Variants in SGMS1 observed in about 807,000 individuals in gnomAD.
SGMS1 encodes the protein sphingomyelin synthase 1.
SGMS1 carries 13 observed loss-of-function variants against 46.2 expected under a neutral mutation model. The ratio of observed to expected loss-of-function variants is 0.28; its 90% CI spans 0.18 to 0.45. The LOEUF (loss-of-function observed/expected upper bound fraction) is 0.45, where lower values mean the gene tolerates loss of function less well. SGMS1 is among the 20% of genes least tolerant of loss of function. The pLI is 1.00. For missense variants in SGMS1, 324 were observed against 519.9 expected, an observed-to-expected ratio of 0.62 and a Z score of 3.66; for synonymous variants, 203 against 187.8, an observed-to-expected ratio of 1.08 and a Z score of -0.66.
At chr10:50,415,797 C>G (rs559450465) in intron 6 of SGMS1, among the ~76,000 whole-genome samples, 17 of 152,262 alleles carry the variant, frequency 1.1e-4, no homozygotes, top group African/African-American at 4.1e-4. Flanking sequence ...ATTCTTAAAA[C>G]AGGTTCAACG....
intron 6 of SGMS1, among the ~76,000 whole-genome samples, chr10:50,359,286 A>G (rs2688884): frequency 0.15 from 23,033 of 152,196 alleles, 2,091 homozygotes; most frequent in African/African-American, 0.24. Context: ...TTTAATACTT[A>G]GATTTCACAA....
intron 3 of SGMS1, among the ~76,000 whole-genome samples, chr10:50,487,801 T>C (rs1247385583): frequency 2.0e-5 from 3 of 151,982 alleles, no homozygotes; most frequent in African/African-American, 7.2e-5. Context: ...TGTTTTTTCC[T>C]TATAATAGAA....
At position 50,505,858 on chromosome 10, in the gene SGMS1, G is replaced by A. The variant is rs117467678; in HGVS notation, c.-498+13973C>T. Among the ~76,000 whole-genome samples, 14 of 152,134 alleles carry A rather than the reference G, an allele frequency of 9.2e-5. No homozygotes were observed. The East Asian group carries it at 1.2e-3, about 13-fold the overall frequency. On this transcript the variant is annotated intron_variant, in intron 3 of 10. Coordinates refer to ENST00000361781, the MANE Select transcript of SGMS1 (RefSeq NM_147156.4). ...GGGGAGCAAAGCACACCATATCTGC[G>A]GGGGGAGAGCATCCTCTAAAGAGAA...
chr10:50,615,928 G>A (rs925395336), intron 1 of SGMS1, among the ~76,000 whole-genome samples: 79 of 152,092 alleles, frequency 5.2e-4, no homozygotes, highest in African/African-American at 1.8e-3. Context: ...TTCCCCAGTC[G>A]ACTGTAAAAT....
intron 2 of SGMS1, among the ~76,000 whole-genome samples, chr10:50,573,694 G>A (rs1403560675): frequency 6.6e-6 from 1 of 151,898 alleles, no homozygotes; most frequent in Non-Finnish European, 1.5e-5. Flanking sequence ...ACCACAAAAG[G>A]CCCCAAATAG....
intron 8 of SGMS1, among the ~76,000 whole-genome samples, chr10:50,314,320 G>A (rs1200114177): frequency 6.6e-6 from 1 of 152,132 alleles, no homozygotes; most frequent in Non-Finnish European, 1.5e-5. Context: ...AGCAGTGGCT[G>A]TCTCCAAAGT....
intron 6 of SGMS1, among the ~76,000 whole-genome samples, chr10:50,397,340 C>A: frequency 6.6e-6 from 1 of 152,104 alleles, no homozygotes; most frequent in East Asian, 1.9e-4. Flanking sequence ...TCAAATCATA[C>A]ACATGCACAA....
intron 3 of SGMS1, among the ~76,000 whole-genome samples, chr10:50,489,353 T>C (rs1837548914): frequency 6.6e-6 from 1 of 152,198 alleles, no homozygotes; most frequent in South Asian, 2.1e-4. Flanking sequence ...TGCTTTCAAA[T>C]GATAACATTT....
chr10:50,530,766 T>C (rs1837946007), intron 2 of SGMS1, among the ~76,000 whole-genome samples: 1 of 152,142 alleles, frequency 6.6e-6, no homozygotes, highest in Admixed American at 6.6e-5. Flanking sequence ...ATTGCAGGCA[T>C]GAACCACTGC....
At chr10:50,551,965 T>C (rs1054922998) in intron 2 of SGMS1, among the ~76,000 whole-genome samples, 4 of 152,176 alleles carry the variant, frequency 2.6e-5, no homozygotes, top group African/African-American at 9.7e-5. Context: ...AAAGCTCAGA[T>C]TTTTTAAGCC....
intron 3 of SGMS1, among the ~76,000 whole-genome samples, chr10:50,491,083 A>G (rs1837564131): frequency 6.6e-6 from 1 of 152,242 alleles, no homozygotes; most frequent in South Asian, 2.1e-4. Flanking sequence ...ACAGTGGCTC[A>G]TGCCTGTAAT....
At chr10:50,562,106 G>A (rs998564105) in intron 2 of SGMS1, among the ~76,000 whole-genome samples, 3 of 152,056 alleles carry the variant, frequency 2.0e-5, no homozygotes, top group Non-Finnish European at 1.5e-5. Context: ...TCAGGCCTAC[G>A]CTTTCTTTTC....
intron 6 of SGMS1, among the ~76,000 whole-genome samples, chr10:50,427,733 C>G (rs529194617): frequency 2.0e-5 from 3 of 152,218 alleles, no homozygotes; most frequent in South Asian, 4.1e-4. Flanking sequence ...TAGACAGCAC[C>G]CACACCATAC....
At chr10:50,444,683 G>A (rs981125418) in intron 5 of SGMS1, among the ~76,000 whole-genome samples, 16 of 151,448 alleles carry the variant, frequency 1.1e-4, no homozygotes, top group Admixed American at 1.1e-3. Context: ...TTGAGCCCAG[G>A]AGTTCATATC....
At chr10:50,319,327 G>A (rs1046487845) in intron 8 of SGMS1, among the ~76,000 whole-genome samples, 2 of 152,030 alleles carry the variant, frequency 1.3e-5, no homozygotes, top group African/African-American at 4.8e-5. Flanking sequence ...TGGGTCCCTT[G>A]GGAAGAAGTC....
At chr10:50,593,991 C>CGGAT (rs890576353) in intron 1 of SGMS1, among the ~76,000 whole-genome samples, 56 of 152,288 alleles carry the variant, frequency 3.7e-4, no homozygotes, top group African/African-American at 1.3e-3. Flanking sequence ...AGCTGGACTA[C>CGGAT]GGATTGCACG....
intron 6 of SGMS1, among the ~76,000 whole-genome samples, chr10:50,348,933 T>C (rs1847961027): frequency 6.6e-6 from 1 of 152,188 alleles, no homozygotes; most frequent in Non-Finnish European, 1.5e-5. Flanking sequence ...AAGGCTACAG[T>C]AACCAAAACA....
At chr10:50,590,022 T>G (rs1004171116) in intron 2 of SGMS1, 131 bp downstream of exon 2, 5 of 152,366 alleles carry the variant, frequency 3.3e-5, no homozygotes, top group Non-Finnish European at 2.9e-5. Context: ...CACCAAAAAA[T>G]GTGGCAAAAT....
chr10:50,558,248 T>A (rs1363056479), intron 2 of SGMS1, among the ~76,000 whole-genome samples: 1 of 152,212 alleles, frequency 6.6e-6, no homozygotes, highest in Admixed American at 6.5e-5. Flanking sequence ...TGTTAATGGG[T>A]CAACGAACTC....
Sources: gnomAD v4.1 joint callset for allele counts (sites outside exome capture counted in the v4.1 genomes callset) on GRCh38, gnomAD v4.1.1 for gene constraint, MANE v1.5 for transcripts, NCBI Gene and HGNC (gene_info 2026-07-23, HGNC 2026-07-21) for gene names.